KLHL4: variants seen among roughly 807,000 people sequenced by gnomAD.
KLHL4 encodes kelch like family member 4.
A neutral mutation model predicts 45.8 loss-of-function variants in KLHL4; 17 were observed. The observed-to-expected ratio is 0.37, with a 90% CI of 0.25 to 0.56. KLHL4 has a LOEUF of 0.56. Ranked by LOEUF, KLHL4 falls within the 20% of genes least tolerant of loss-of-function variation. The pLI is 0.79. For missense variants in KLHL4, 544 were observed against 544.9 expected, an observed-to-expected ratio of 1.00 and a Z score of 0.02; for synonymous variants, 224 against 189.9, an observed-to-expected ratio of 1.18 and a Z score of -1.47.
chrX:87,639,630 C>A (rs1923384574), intron 9 of KLHL4, among the ~76,000 whole-genome samples: 1 of 110,852 alleles, frequency 9.0e-6, no homozygotes, highest in African/African-American at 3.3e-5. Context: ...ACAGTGAAAT[C>A]AAGATTGAAA....
chrX:87,666,620 T>C lies in KLHL4; in HGVS notation c.*86T>C. The C allele has an allele frequency of 1.1e-5, 11 of 1,020,288 alleles. No individual in the cohort carries two copies. The highest frequency in any genetic ancestry group is 1.4e-5 in the Non-Finnish European group (11 of 790,949). 84.1% of individuals were successfully genotyped at this position (1,020,288 alleles called of 1,213,427 possible). A position where few individuals can be genotyped will look rare whatever the true frequency, so the allele number is the denominator to read the frequency against. Reference sequence around the variant, plus strand: ...AAGGGAGAAAGAAATACATGTTCTTTTTCCTGCAATTAATAATCAGACTGG... The same window carrying C: ...AAGGGAGAAAGAAATACATGTTCTTCTTCCTGCAATTAATAATCAGACTGG... On this transcript the variant is annotated 3_prime_UTR_variant, in exon 11 of 11. Coordinates refer to ENST00000373119, the MANE Select transcript of KLHL4 (RefSeq NM_019117.5).
chrX:87,606,492 T>C (rs1309017103), intron 1 of KLHL4, among the ~76,000 whole-genome samples: 1 of 110,856 alleles, frequency 9.0e-6, no homozygotes. Flanking sequence ...AGAGAAAATA[T>C]GGAAATAAAA....
intron 1 of KLHL4, among the ~76,000 whole-genome samples, chrX:87,576,583 A>G (rs2147792640): frequency 8.9e-6 from 1 of 111,930 alleles, no homozygotes; most frequent in African/African-American, 3.2e-5. Context: ...AAAATGAACT[A>G]CAATTGATGA....
chrX:87,581,485 C>A (rs1029643750), intron 1 of KLHL4, among the ~76,000 whole-genome samples: 2 of 112,407 alleles, frequency 1.8e-5, no homozygotes, highest in Non-Finnish European at 3.8e-5. Context: ...CAGGTCAGTA[C>A]CCCCCTGGGA....
chrX:87,538,256 G>A (rs1292136969), intron 1 of KLHL4, among the ~76,000 whole-genome samples: 2 of 111,298 alleles, frequency 1.8e-5, no homozygotes, highest in Non-Finnish European at 3.8e-5. Flanking sequence ...ATGAATCAAA[G>A]GGGGATGTTA....
chrX:87,614,666 T>C (rs1361222545), intron 3 of KLHL4, 96 bp downstream of exon 3: 1 of 772,028 alleles, frequency 1.3e-6, no homozygotes, highest in East Asian at 3.5e-5. Context: ...CTAATACTAC[T>C]ACTATTCTTC....
intron 1 of KLHL4, among the ~76,000 whole-genome samples, chrX:87,527,735 T>C (rs772409185): frequency 9.4e-6 from 1 of 106,254 alleles, no homozygotes; most frequent in Non-Finnish European, 1.9e-5. Flanking sequence ...CACTGACATA[T>C]ATACCATATA....
At chrX:87,545,720 G>A (rs1160566381) in intron 1 of KLHL4, among the ~76,000 whole-genome samples, 8 of 111,895 alleles carry the variant, frequency 7.1e-5, no homozygotes, top group Non-Finnish European at 1.1e-4. Context: ...GAACAGTTTG[G>A]AGGGCTCAGA....
In KLHL4 at chrX:87,610,800, G is replaced by A. The variant is rs1019134189; in HGVS notation, c.423-3077G>A. Among the ~76,000 whole-genome samples the A allele has an allele frequency of 2.7e-5, 3 of 111,608 alleles. No homozygotes were observed. In the Admixed American group the frequency reaches 2.9e-4, roughly 11 times the overall value. ...TTAAAACAAGCCTCTGTGGCTGAGC[G>A]CAGTGGCTCACACCTGTAATTTCAG... On this transcript the variant is annotated intron_variant, in intron 1 of 10. Coordinates refer to ENST00000373119, the MANE Select transcript of KLHL4 (RefSeq NM_019117.5).
chrX:87,549,735 A>G (rs934168893), intron 1 of KLHL4, among the ~76,000 whole-genome samples: 20 of 111,511 alleles, frequency 1.8e-4, no homozygotes, highest in Non-Finnish European at 3.2e-4. Flanking sequence ...AATAGTGGAA[A>G]CACAACATAC....
chrX:87,612,229 C>T lies in KLHL4; in HGVS notation c.423-1648C>T, dbSNP rs141111216. ...ATTAACTCACCATTCACTTACTTAC[C>T]CCCAGAGCAAGTTTCGGTCTTTAAA... On this transcript the variant is annotated intron_variant, in intron 1 of 10. Transcript: ENST00000373119. Among the ~76,000 whole-genome samples, 500 of 111,552 alleles carry T rather than the reference C, an allele frequency of 4.5e-3. 3 individuals carry two copies. Among genetic ancestry groups the T allele is most frequent in the Non-Finnish European group, 5.0e-3 (268 of 53,074 alleles).
rs966729745 is a variant in KLHL4 at position 87,563,822 on chromosome X, G to A, written c.422+45507G>A. 3.6e-5 allele frequency among the ~76,000 whole-genome samples: 4 copies of A among 110,859 alleles called. No individual in the cohort carries two copies. The South Asian group carries it at 1.5e-3, about 42-fold the overall frequency. ...ACATTTAAGAATCAAACTCCCAAAG[G>A]TCATGGATAATGAAAGGATGCTCAA... On this transcript the variant is annotated intron_variant, in intron 1 of 10. Transcript: ENST00000373119.
intron 9 of KLHL4, among the ~76,000 whole-genome samples, chrX:87,657,292 C>G (rs1168628562): frequency 8.9e-6 from 1 of 112,123 alleles, no homozygotes; most frequent in Non-Finnish European, 1.9e-5. Flanking sequence ...GTGGCCTGGG[C>G]TTTATCCTCA....
rs1358115084 is a variant in KLHL4 at position 87,668,409 on chromosome X, A to T, written c.*1875A>T. 2.7e-6 allele frequency: 2 copies of T among 750,536 alleles called. No individual in the cohort carries two copies. Among genetic ancestry groups the T allele is most frequent in the Non-Finnish European group, 3.1e-6 (2 of 635,778 alleles). The allele number at this position is 750,536 out of a possible 1,213,427, so 61.9% of individuals were successfully genotyped here. On this transcript the variant is annotated 3_prime_UTR_variant, in exon 11 of 11. Transcript: ENST00000373119. ...AGTTGAATACTCTCTTCTCAATGGCATAGCTGGACTTGATTAAGTATTGAC... is the reference window on the plus strand; with the variant it reads ...AGTTGAATACTCTCTTCTCAATGGCTTAGCTGGACTTGATTAAGTATTGAC...
intron 9 of KLHL4, among the ~76,000 whole-genome samples, chrX:87,646,050 A>G (rs1018069025): frequency 2.7e-5 from 3 of 111,401 alleles, no homozygotes; most frequent in Non-Finnish European, 3.8e-5. Context: ...TAATTTATGG[A>G]AAAAAATTAA....
At chrX:87,551,240 A>G (rs1931808629) in intron 1 of KLHL4, among the ~76,000 whole-genome samples, 1 of 103,875 alleles carries the variant, frequency 9.6e-6, no homozygotes, top group African/African-American at 3.5e-5. Context: ...AATCAAATCA[A>G]TAACTCAACC....
At chrX:87,624,148 T>C (rs1247104557) in intron 5 of KLHL4, among the ~76,000 whole-genome samples, 1 of 112,292 alleles carries the variant, frequency 8.9e-6, no homozygotes, top group Non-Finnish European at 1.9e-5. Flanking sequence ...GAACTTAGTT[T>C]GAACTTCTGT....
intron 1 of KLHL4, among the ~76,000 whole-genome samples, chrX:87,525,237 T>C (rs1569333246): frequency 9.0e-6 from 1 of 111,508 alleles, no homozygotes; most frequent in Admixed American, 9.6e-5. Flanking sequence ...ACAGAAAAAC[T>C]TATTTTTTTA....
At chrX:87,585,100 C>CA (rs947552119) in intron 1 of KLHL4, among the ~76,000 whole-genome samples, 13 of 110,058 alleles carry the variant, frequency 1.2e-4, no homozygotes, top group African/African-American at 3.3e-4. Context: ...ACAACAATAA[C>CA]AAAAAAAACC....
Sources: gnomAD v4.1 joint callset for allele counts (sites outside exome capture counted in the v4.1 genomes callset) on GRCh38, gnomAD v4.1.1 for gene constraint, MANE v1.5 for transcripts, NCBI Gene and HGNC (gene_info 2026-07-23, HGNC 2026-07-21) for gene names.